Variants in GRM1 observed in about 807,000 individuals in gnomAD.
GRM1 encodes the protein glutamate metabotropic receptor 1, also known as metabotropic glutamate receptor 1.
A neutral mutation model predicts 90.9 loss-of-function variants in GRM1; 33 were observed. The observed-to-expected ratio is 0.36, with a 90% CI of 0.28 to 0.49. The LOEUF is 0.49. GRM1 is among the 20% of genes least tolerant of loss of function. The pLI, the probability that GRM1 is intolerant of heterozygous loss-of-function variation, is 0.99. For synonymous variants in GRM1, 700 were observed against 613.2 expected, an observed-to-expected ratio of 1.14 and a Z score of -2.09; for missense variants, 1,190 against 1,534.3, an observed-to-expected ratio of 0.78 and a Z score of 3.75.
At chr6:146,286,303 G>T (rs1274488482) in intron 2 of GRM1, among the ~76,000 whole-genome samples, 1 of 151,986 alleles carries the variant, frequency 6.6e-6, no homozygotes, top group South Asian at 2.1e-4. Flanking sequence ...ATACAAAATG[G>T]AAAGGAGCTA....
intron 3 of GRM1, among the ~76,000 whole-genome samples, chr6:146,313,169 T>G (rs748753868): frequency 3.3e-5 from 5 of 152,190 alleles, no homozygotes; most frequent in Non-Finnish European, 4.4e-5. Context: ...AGTTACTATT[T>G]TATCTTTTAT....
intron 1 of GRM1, among the ~76,000 whole-genome samples, chr6:146,037,365 A>G (rs1790928798): frequency 6.6e-6 from 1 of 152,024 alleles, no homozygotes; most frequent in South Asian, 2.1e-4. Flanking sequence ...ACAAATGAGA[A>G]AACAAAAGCC....
intron 6 of GRM1, among the ~76,000 whole-genome samples, chr6:146,396,831 A>G (rs756651387): frequency 3.9e-5 from 6 of 152,214 alleles, no homozygotes; most frequent in Non-Finnish European, 8.8e-5. Flanking sequence ...GTGCATTTCA[A>G]AACCAAAGGT....
rs1187384494 is a variant in GRM1, at chr6:146,399,386, G to T, written c.2347G>T (p.Glu783Ter). 1 of 1,614,120 alleles carries T rather than the reference G, an allele frequency of 6.2e-7. No individual in the cohort carries two copies. Among genetic ancestry groups the T allele is most frequent in the Non-Finnish European group, 8.5e-7 (1 of 1,180,030 alleles). ...CCGCAACGTGCCCGCCAACTTCAAC[G>T]AGGCCAAATATATCGCGTTCACCAT... ...KTRNVPANFN[E>*]AKYIAFTMYT... The change falls in exon 7 of 8, where the codon GAG becomes TAG. Residue 783 changes from glutamate (E) to a stop codon, truncating the protein, a stop_gained. Coordinates refer to ENST00000282753, the MANE Select transcript of GRM1 (RefSeq NM_001278064.2). LOFTEE classifies it high-confidence loss of function. This position sits in a 1 kb window ranked among gnomAD's most constrained non-coding sequence, Gnocchi z 5.4.
chr6:146,277,125 T>G (rs1782402469), intron 2 of GRM1, among the ~76,000 whole-genome samples: 1 of 152,088 alleles, frequency 6.6e-6, no homozygotes, highest in Non-Finnish European at 1.5e-5. Context: ...TACAATACAA[T>G]ACAATACAAT....
At chr6:146,120,960 T>A (rs1283934708) in intron 1 of GRM1, among the ~76,000 whole-genome samples, 4 of 152,184 alleles carry the variant, frequency 2.6e-5, no homozygotes, top group Admixed American at 1.3e-4. Flanking sequence ...ATAAAATGAG[T>A]TAGGGAGGAT....
At chr6:146,357,986 A>G (rs1263936303) in intron 5 of GRM1, among the ~76,000 whole-genome samples, 1 of 152,212 alleles carries the variant, frequency 6.6e-6, no homozygotes, top group Non-Finnish European at 1.5e-5. Flanking sequence ...AAAATCAAAA[A>G]CAGAAGTAAA....
At chr6:146,332,669 T>A (rs1251467462) in intron 3 of GRM1, among the ~76,000 whole-genome samples, 2 of 152,234 alleles carry the variant, frequency 1.3e-5, no homozygotes, top group Non-Finnish European at 2.9e-5. Context: ...ATATGTAAAG[T>A]ACCTTTGCCA....
chr6:146,189,871 T>G (rs1409555197), intron 2 of GRM1, among the ~76,000 whole-genome samples: 1 of 152,232 alleles, frequency 6.6e-6, no homozygotes, highest in Non-Finnish European at 1.5e-5. Context: ...ATATTTTAAC[T>G]AATCAAAATC....
In GRM1 at chr6:146,418,749, A is replaced by G. The variant is rs1215460911; in HGVS notation, c.2661-15123A>G. Among the ~76,000 whole-genome samples, 3 of 146,554 alleles carry G rather than the reference A, an allele frequency of 2.0e-5. No homozygotes were observed. The East Asian group carries it at 5.8e-4, about 28-fold the overall frequency. ...ATATTTCCATATTCTGTTTTGATTT[A>G]TTCAGTCATTCATTTAACACTCATA... On this transcript the variant is annotated intron_variant, in intron 7 of 7. Coordinates refer to ENST00000282753, the MANE Select transcript of GRM1 (RefSeq NM_001278064.2).
intron 2 of GRM1, among the ~76,000 whole-genome samples, chr6:146,298,086 C>T (rs766565260): frequency 6.6e-6 from 1 of 152,172 alleles, no homozygotes; most frequent in African/African-American, 2.4e-5. Flanking sequence ...CCAAGAATAG[C>T]TCAATATCCT....
At chr6:146,307,097 C>T (rs362959) in intron 3 of GRM1, among the ~76,000 whole-genome samples, 55 of 152,268 alleles carry the variant, frequency 3.6e-4, no homozygotes, top group South Asian at 1.7e-3. Context: ...CAACAAGGTA[C>T]ACTAATATTT....
At chr6:146,241,803 T>C (rs967154238) in intron 2 of GRM1, among the ~76,000 whole-genome samples, 3 of 152,150 alleles carry the variant, frequency 2.0e-5, no homozygotes, top group Non-Finnish European at 4.4e-5. Context: ...TATATAGAGA[T>C]TTTATATAGT....
intron 3 of GRM1, among the ~76,000 whole-genome samples, chr6:146,312,783 C>T (rs927444462): frequency 3.9e-5 from 6 of 152,174 alleles, no homozygotes; most frequent in African/African-American, 1.2e-4. Flanking sequence ...AATATCCTGA[C>T]GAATTACAAC....
At chr6:146,209,984 G>T (rs1779632844) in intron 2 of GRM1, among the ~76,000 whole-genome samples, 1 of 152,128 alleles carries the variant, frequency 6.6e-6, no homozygotes, top group Non-Finnish European at 1.5e-5. Flanking sequence ...TTTCTACTTT[G>T]CACATGGGAT....
chr6:146,278,461 G>A (rs1190157055), intron 2 of GRM1, among the ~76,000 whole-genome samples: 1 of 152,124 alleles, frequency 6.6e-6, no homozygotes, highest in African/African-American at 2.4e-5. Context: ...AGTAGAGAGA[G>A]TAAGCTGCTT....
intron 1 of GRM1, among the ~76,000 whole-genome samples, chr6:146,127,573 C>T (rs1445434842): frequency 2.6e-5 from 4 of 152,098 alleles, no homozygotes; most frequent in African/African-American, 9.7e-5. Context: ...TACAATGTAA[C>T]AATGAACCAG....
chr6:146,119,060 G>A (rs1339553187), intron 1 of GRM1, among the ~76,000 whole-genome samples: 3 of 152,212 alleles, frequency 2.0e-5, no homozygotes, highest in Non-Finnish European at 4.4e-5. Context: ...CCCACCAACA[G>A]TGTGAAAGTG....
chr6:146,146,552 G>A (rs1777114196), intron 1 of GRM1, among the ~76,000 whole-genome samples: 1 of 152,094 alleles, frequency 6.6e-6, no homozygotes, highest in Non-Finnish European at 1.5e-5. Flanking sequence ...GGACCGTGGT[G>A]GAATGTTATT....
Sources: gnomAD v4.1 joint callset for allele counts (sites outside exome capture counted in the v4.1 genomes callset) on GRCh38, gnomAD v4.1.1 for gene constraint, Gnocchi (gnomAD v3.1) non-coding constraint, MANE v1.5 for transcripts, NCBI Gene and HGNC (gene_info 2026-07-23, HGNC 2026-07-21) for gene names.